FGF14: variants seen among roughly 807,000 people sequenced by gnomAD.
FGF14 encodes fibroblast growth factor 14, also known as fibroblast growth factor homologous factor 4.
A neutral mutation model predicts 25.5 loss-of-function variants in FGF14; 5 were observed. The ratio of observed to expected loss-of-function variants is 0.20; its 90% CI spans 0.10 to 0.41. The LOEUF (loss-of-function observed/expected upper bound fraction) is 0.41, where lower values mean the gene tolerates loss of function less well. FGF14 is among the 10% of genes least tolerant of loss of function. The probability of loss-of-function intolerance (pLI) is 1.00; values close to 1 mark genes in which losing one functional copy is unlikely to be tolerated. For synonymous variants in FGF14, 138 were observed against 118.3 expected (o/e 1.17, Z -1.08); for missense variants, 222 against 320.1 (o/e 0.69, Z 2.34).
At chr13:102,232,166 C>T (rs1405335119) in intron 1 of FGF14, among the ~76,000 whole-genome samples, 1 of 152,106 alleles carries the variant, frequency 6.6e-6, no homozygotes, top group Non-Finnish European at 1.5e-5. Context: ...TCATGTATTA[C>T]ACATACATTG....
At chr13:102,133,545 A>G (rs1227954164) in intron 1 of FGF14, among the ~76,000 whole-genome samples, 1 of 152,246 alleles carries the variant, frequency 6.6e-6, no homozygotes, top group Admixed American at 6.5e-5. Context: ...TAAGAGACTT[A>G]TATAGAAATG....
chr13:101,734,259 C>T (rs906662416), intron 3 of FGF14, among the ~76,000 whole-genome samples: 1 of 152,172 alleles, frequency 6.6e-6, no homozygotes, highest in Non-Finnish European at 1.5e-5. Context: ...TTAATGATCA[C>T]ATTTTAAGAG....
chr13:101,772,379 C>A (rs969890714), intron 3 of FGF14, among the ~76,000 whole-genome samples: 3 of 151,900 alleles, frequency 2.0e-5, no homozygotes, highest in African/African-American at 7.3e-5. Context: ...CATGCCTTTA[C>A]ATAGACATGC....
At chr13:102,362,142 TGC>T (rs2057584271) in intron 1 of FGF14, among the ~76,000 whole-genome samples, 1 of 152,052 alleles carries the variant, frequency 6.6e-6, no homozygotes, top group African/African-American at 2.4e-5. Context: ...CTAAATTCAT[TGC>T]CATGATAGTC....
intron 1 of FGF14, among the ~76,000 whole-genome samples, chr13:101,907,885 TC>T (rs1485147808): frequency 6.6e-5 from 10 of 152,098 alleles, no homozygotes; most frequent in Admixed American, 6.5e-4. Flanking sequence ...TTTGATGAGG[TC>T]TTGAACTTAG....
At chr13:101,870,064 A>G (rs1001528829) in intron 2 of FGF14, among the ~76,000 whole-genome samples, 2 of 152,204 alleles carry the variant, frequency 1.3e-5, no homozygotes, top group Non-Finnish European at 2.9e-5. Context: ...ACTCAGGGGC[A>G]TCTATGGTTA....
intron 3 of FGF14, among the ~76,000 whole-genome samples, chr13:101,856,463 T>A (rs1419035286): frequency 6.6e-6 from 1 of 151,950 alleles, no homozygotes; most frequent in Admixed American, 6.6e-5. Context: ...ATATTACCTC[T>A]GTTGATAACA....
intron 1 of FGF14, among the ~76,000 whole-genome samples, chr13:102,260,836 T>C (rs117571320): frequency 0.012 from 1,880 of 152,324 alleles, 23 homozygotes; most frequent in South Asian, 0.027. Context: ...TGTTCTTCCT[T>C]GCCCTATCCC....
chr13:102,033,398 C>A (rs1341154155), intron 1 of FGF14, among the ~76,000 whole-genome samples: 1 of 152,104 alleles, frequency 6.6e-6, no homozygotes, highest in Non-Finnish European at 1.5e-5. Context: ...TAGCTTAGAT[C>A]AATTCCTGGG....
At chr13:102,205,389 A>G (rs887357168) in intron 1 of FGF14, among the ~76,000 whole-genome samples, 2 of 152,242 alleles carry the variant, frequency 1.3e-5, no homozygotes, top group African/African-American at 2.4e-5. Flanking sequence ...TATTGCTATT[A>G]TTATAGTCAA....
intron 1 of FGF14, among the ~76,000 whole-genome samples, chr13:101,963,271 C>T (rs1286881269): frequency 1.3e-5 from 2 of 152,132 alleles, no homozygotes; most frequent in African/African-American, 4.8e-5. Flanking sequence ...ATGTTAATTC[C>T]CCCATTTTAT....
chr13:101,933,168 C>T (rs543731346), intron 1 of FGF14, among the ~76,000 whole-genome samples: 18 of 152,036 alleles, frequency 1.2e-4, no homozygotes, highest in Admixed American at 6.6e-4. Context: ...TATTTTTATC[C>T]GTCAAAACAA....
chr13:101,755,118 T>C (rs1182866258), intron 3 of FGF14, among the ~76,000 whole-genome samples: 1 of 152,146 alleles, frequency 6.6e-6, no homozygotes, highest in Non-Finnish European at 1.5e-5. Flanking sequence ...TGTCTGGAAA[T>C]ATCAAACTTT....
rs574033704 is a variant in FGF14 at position 102,023,212 on chromosome 13, T to A, written c.209-147916A>T. 1.1e-4 allele frequency among the ~76,000 whole-genome samples: 17 copies of A among 152,130 alleles called. No individual in the cohort carries two copies. In the South Asian group the frequency reaches 3.5e-3, roughly 32 times the overall value. Reference sequence around the variant, plus strand: ...GTTCAAAACTCATTTGATAGGTAAGTAAATGAATTTAGAGCACTTATTCAA... The same window carrying A: ...GTTCAAAACTCATTTGATAGGTAAGAAAATGAATTTAGAGCACTTATTCAA... On this transcript the variant is annotated intron_variant, in intron 1 of 4. Coordinates refer to the FGF14 transcript ENST00000376131.
intron 3 of FGF14, among the ~76,000 whole-genome samples, chr13:101,771,733 G>C (rs993480759): frequency 1.3e-5 from 2 of 152,006 alleles, no homozygotes; most frequent in African/African-American, 2.4e-5. Flanking sequence ...TTTTCAACTT[G>C]AGTTGTGTGG....
chr13:102,233,209 A>G (rs534754308), intron 1 of FGF14, among the ~76,000 whole-genome samples: 1 of 152,168 alleles, frequency 6.6e-6, no homozygotes, highest in East Asian at 1.9e-4. Flanking sequence ...ATCTCGGCTC[A>G]CTGCAACCTC....
chr13:101,913,572 TTC>T (rs1414482165), intron 1 of FGF14, among the ~76,000 whole-genome samples: 2 of 152,188 alleles, frequency 1.3e-5, no homozygotes, highest in African/African-American at 4.8e-5. Context: ...CTATTCTTTA[TTC>T]TGTTTTCAAG....
At position 101,840,673 on chromosome 13, in the gene FGF14, T is replaced by C. The variant is rs551330988; in HGVS notation, c.408+28052A>G. Among the ~76,000 whole-genome samples, 23 of 152,088 alleles carry C rather than the reference T, an allele frequency of 1.5e-4. No individual in the cohort carries two copies. The South Asian group carries it at 3.5e-3, about 23-fold the overall frequency. Reference sequence around the variant, plus strand: ...TTCATGCAGTGTTGTAAATGTACTATTTTGTGCATGTATATCAACCAAATT... The same window carrying C: ...TTCATGCAGTGTTGTAAATGTACTACTTTGTGCATGTATATCAACCAAATT... On this transcript the variant is annotated intron_variant, in intron 3 of 4. Coordinates refer to ENST00000376143, the MANE Select transcript of FGF14 (RefSeq NM_004115.4).
At chr13:102,332,978 T>G (rs960007388) in intron 1 of FGF14, among the ~76,000 whole-genome samples, 5 of 152,162 alleles carry the variant, frequency 3.3e-5, no homozygotes, top group African/African-American at 1.2e-4. Flanking sequence ...CTAATGAGAA[T>G]TAACTTAAAG....
Sources: allele counts gnomAD v4.1 joint callset (sites outside exome capture counted in the v4.1 genomes callset), GRCh38; gene constraint gnomAD v4.1.1; transcripts MANE v1.5; gene names NCBI Gene and HGNC (gene_info 2026-07-23, HGNC 2026-07-21).